Variants in OR2G6 observed in about 807,000 individuals in gnomAD.
OR2G6 encodes the protein olfactory receptor family 2 subfamily G member 6, also known as olfactory receptor 2G6.
For synonymous variants in OR2G6, 183 were observed against 155.2 expected, an observed-to-expected ratio of 1.18 and a Z score of -1.33; for missense variants, 457 against 391.3, an observed-to-expected ratio of 1.17 and a Z score of -1.42.
At position 248,523,887 on chromosome 1, in the gene OR2G6, A is replaced by C. The variant is rs1035161374; in HGVS notation, c.*1290A>C. On this transcript the variant is annotated 3_prime_UTR_variant, in exon 2 of 2. Coordinates refer to ENST00000641804, the MANE Select transcript of OR2G6 (RefSeq NM_001013355.2). ...AGCATGAAAACATCAATGCAAATGAAGAGTAAAATGCAGGCAGAATCTGGG... is the reference window on the plus strand; with the variant it reads ...AGCATGAAAACATCAATGCAAATGACGAGTAAAATGCAGGCAGAATCTGGG... The C allele has an allele frequency of 6.6e-6, 1 of 152,226 alleles. No homozygotes were observed. Among genetic ancestry groups the C allele is most frequent in the Non-Finnish European group, 1.5e-5 (1 of 68,040 alleles). 9.4% of individuals were successfully genotyped at this position (152,226 alleles called of 1,614,324 possible).
In OR2G6 at chr1:248,522,841, A is replaced by G. The variant is rs543303363; in HGVS notation, c.*244A>G. ...AAGAAGAGAAACACACCAAAGCAGCATGAGGGTTCATCCTCCCAGACATTC... is the reference window on the plus strand; with the variant it reads ...AAGAAGAGAAACACACCAAAGCAGCGTGAGGGTTCATCCTCCCAGACATTC... On this transcript the variant is annotated 3_prime_UTR_variant, in exon 2 of 2. Transcript: ENST00000641804. The G allele has an allele frequency of 2.2e-6, 1 of 462,380 alleles. No individual in the cohort carries two copies. The highest frequency in any genetic ancestry group is 3.9e-5 in the South Asian group (1 of 25,484). 28.6% of individuals were successfully genotyped at this position (462,380 alleles called of 1,614,324 possible). A position where few individuals can be genotyped will look rare whatever the true frequency, so the allele number is the denominator to read the frequency against.
At chr1:248,520,797 T>C (rs1664265631) in intron 1 of OR2G6, among the ~76,000 whole-genome samples, 1 of 151,256 alleles carries the variant, frequency 6.6e-6, no homozygotes, top group Non-Finnish European at 1.5e-5. Flanking sequence ...TCACCTGAGG[T>C]CAGGAGTTCC....
In OR2G6 at chr1:248,522,423, C is replaced by T. The variant is rs1337845077; in HGVS notation, c.777C>T (p.Tyr259=). 1.9e-6 allele frequency: 3 copies of T among 1,614,034 alleles called. No individual in the cohort carries two copies. The highest frequency in any genetic ancestry group is 2.2e-5 in the South Asian group (2 of 91,086). ...TCTATGGGACCATCATATTCATGTA[C>T]CTTCAACCGGCCAATAGGAGATCCA... The part of the protein sequence containing the change: ...IIFYGTIIFM[Y]LQPANRRSKN... The change falls in exon 2 of 2, where the codon TAC becomes TAT. Residue 259 remains tyrosine, a synonymous_variant. Transcript: ENST00000641804.
rs976435181 is a variant in OR2G6, at chr1:248,523,306, T to C, written c.*709T>C. 3.3e-5 allele frequency: 5 copies of C among 152,186 alleles called. No individual in the cohort carries two copies. The highest frequency in any genetic ancestry group is 4.8e-5 in the African/African-American group (2 of 41,438). The allele number at this position is 152,186 out of a possible 1,614,324, so 9.4% of individuals were successfully genotyped here. ...GAAACACAAATATTAAGAGTTGTGA[T>C]GCTTTGGTTCCACAGAATTGTGGGA... On this transcript the variant is annotated 3_prime_UTR_variant, in exon 2 of 2. Transcript: ENST00000641804.
In OR2G6 at chr1:248,525,621, C is replaced by T. The variant is rs1664380503; in HGVS notation, c.*3024C>T. 1 of 151,990 alleles carries T rather than the reference C, an allele frequency of 6.6e-6. No individual in the cohort carries two copies. The allele number at this position is 151,990 out of a possible 1,614,324, so 9.4% of individuals were successfully genotyped here. A position where few individuals can be genotyped will look rare whatever the true frequency, so the allele number is the denominator to read the frequency against. ...AAGTACCAGCTACTACAAAAAAACA[C>T]CAAAATATAAAGACCAATGATACTG... On this transcript the variant is annotated 3_prime_UTR_variant, in exon 2 of 2. Transcript: ENST00000641804.
Position 248,525,552 on chromosome 1 carries a change from G to T in OR2G6, c.*2955G>T, listed in dbSNP as rs925812445. ...ACAGCTCAGAGAAGAAAAATGGGAG[G>T]CACTTACTATTTAAACCCTAACCCA... On this transcript the variant is annotated 3_prime_UTR_variant, in exon 2 of 2. Coordinates refer to ENST00000641804, the MANE Select transcript of OR2G6 (RefSeq NM_001013355.2). 1 of 151,680 alleles carries T rather than the reference G, an allele frequency of 6.6e-6. No individual in the cohort carries two copies. The highest frequency in any genetic ancestry group is 1.5e-5 in the Non-Finnish European group (1 of 67,950). The allele number at this position is 151,680 out of a possible 1,614,324, so 9.4% of individuals were successfully genotyped here. A position where few individuals can be genotyped will look rare whatever the true frequency, so the allele number is the denominator to read the frequency against.
chr1:248,522,243 C>A lies in OR2G6; in HGVS notation c.597C>A (p.Leu199=). 1.2e-6 allele frequency: 2 copies of A among 1,614,162 alleles called. No homozygotes were observed. Among genetic ancestry groups the A allele is most frequent in the South Asian group, 1.1e-5 (1 of 91,084 alleles). ...CVDTTFNEAE[L]FVASVVFLIV... ...ATACGACTTTCAACGAGGCAGAACT[C>A]TTTGTGGCCAGTGTAGTCTTTCTAA... Residue 199 remains leucine, a synonymous_variant, in exon 2 of 2, where the codon CTC becomes CTA. Transcript: ENST00000641804.
chr1:248,508,844 T>C (rs1288900380), intron 1 of OR2G6, among the ~76,000 whole-genome samples: 1 of 104,292 alleles, frequency 9.6e-6, no homozygotes, highest in Non-Finnish European at 1.8e-5. Flanking sequence ...ATTATAAATG[T>C]TTTTTAAAAA....
At position 248,524,105 on chromosome 1, in the gene OR2G6, G is replaced by A. The variant is rs903465622; in HGVS notation, c.*1508G>A. On this transcript the variant is annotated 3_prime_UTR_variant, in exon 2 of 2. Transcript: ENST00000641804. ...TTCATCCTGGTGTGAGAATATTGTA[G>A]CCTGTCTACGAATGTTAAGGATAAC... 1.3e-5 allele frequency: 2 copies of A among 152,010 alleles called. No individual in the cohort carries two copies. The highest frequency in any genetic ancestry group is 2.1e-4 in the South Asian group (1 of 4,814). 9.4% of individuals were successfully genotyped at this position (152,010 alleles called of 1,614,324 possible).
rs1398700137 is a variant in OR2G6 at position 248,526,668 on chromosome 1, G to A, written c.*4071G>A. On this transcript the variant is annotated 3_prime_UTR_variant, in exon 2 of 2. Coordinates refer to ENST00000641804, the MANE Select transcript of OR2G6 (RefSeq NM_001013355.2). ...TGTTCACCATAACCTGATCTCAGTA[G>A]TAACTATTTAATGATTGCCATTCTA... is the stretch of plus-strand genomic sequence containing the variant. The A allele has an allele frequency of 6.6e-6, 1 of 151,932 alleles. No homozygotes were observed. The highest frequency in any genetic ancestry group is 6.6e-5 in the Admixed American group (1 of 15,228). 9.4% of individuals were successfully genotyped at this position (151,932 alleles called of 1,614,324 possible).
rs768198575 is a variant in OR2G6 at position 248,522,464 on chromosome 1, TTG to T, written c.820_821del (p.Val274PhefsTer34). 6.5e-5 allele frequency: 105 copies of T among 1,613,722 alleles called. 1 individual carries two copies. The East Asian group carries it at 1.7e-3, about 27-fold the overall frequency. On this transcript the variant is annotated frameshift_variant, in exon 2 of 2. Transcript: ENST00000641804. LOFTEE classifies it low-confidence loss of function (END_TRUNC). ...AGGAGATCCAAAAACCAGGGAAAGT[TTG>T]TTTCTCTTTTCTATACCATAGTCAC... is the stretch of plus-strand genomic sequence containing the variant.
Position 248,521,225 on chromosome 1 carries a change from AAT to A in OR2G6, c.-36-377_-36-376del, listed in dbSNP as rs144719989. On this transcript the variant is annotated intron_variant, in intron 1 of 1. Coordinates refer to ENST00000641804, the MANE Select transcript of OR2G6 (RefSeq NM_001013355.2). ...GCGACAGAACGACTCCATCTCAAAAAATATATATATTTGTATACATATAACAA... is the reference window on the plus strand; with the variant it reads ...GCGACAGAACGACTCCATCTCAAAAAATATATATTTGTATACATATAACAA... Among the ~76,000 whole-genome samples the A allele has an allele frequency of 9.2e-3, 1,405 of 152,016 alleles. 23 individuals carry two copies. Among genetic ancestry groups the A allele is most frequent in the African/African-American group, 0.032 (1,320 of 41,470 alleles).
Position 248,521,904 on chromosome 1 carries a change from TAAGA to T in OR2G6, c.263_266del (p.Lys88ThrfsTer4), listed in dbSNP as rs752058829. On this transcript the variant is annotated frameshift_variant, in exon 2 of 2. Coordinates refer to ENST00000641804, the MANE Select transcript of OR2G6 (RefSeq NM_001013355.2). LOFTEE classifies it low-confidence loss of function (END_TRUNC). ...CCCCACAGTTGCTGGTTACCATGAA[TAAGA>T]AAGACAAAACCATGAGCTACGGTGG... is the stretch of plus-strand genomic sequence containing the variant. The T allele has an allele frequency of 1.8e-5, 29 of 1,613,998 alleles. No homozygotes were observed. Among genetic ancestry groups the T allele is most frequent in the African/African-American group, 4.0e-5 (3 of 74,902 alleles).
Position 248,522,585 on chromosome 1 carries a change from C to T in OR2G6, c.939C>T (p.Ser313=). 6.2e-7 allele frequency: 1 copy of T among 1,604,518 alleles called. No individual in the cohort carries two copies. ...TLILGSAAGQ[S]HKD ...TACTGGGTAGTGCTGCTGGACAAAG[C>T]CACAAGGACTAGGAAACACCTGGAA... is the stretch of plus-strand genomic sequence containing the variant. The change falls in exon 2 of 2, where the codon AGC becomes AGT. Residue 313 remains serine, a synonymous_variant. Coordinates refer to ENST00000641804, the MANE Select transcript of OR2G6 (RefSeq NM_001013355.2).
Position 248,522,417 on chromosome 1 carries a change from C to G in OR2G6, c.771C>G (p.Phe257Leu). 5.0e-6 allele frequency: 8 copies of G among 1,614,190 alleles called. No homozygotes were observed. Among genetic ancestry groups the G allele is most frequent in the Non-Finnish European group, 6.8e-6 (8 of 1,180,034 alleles). ...VVIIFYGTII[F>L]MYLQPANRRS... is the part of the protein sequence containing the mutation. ...TCATTTTCTATGGGACCATCATATTCATGTACCTTCAACCGGCCAATAGGA... is the reference window on the plus strand; with the variant it reads ...TCATTTTCTATGGGACCATCATATTGATGTACCTTCAACCGGCCAATAGGA... The change falls in exon 2 of 2, where the codon TTC becomes TTG. Residue 257 changes from phenylalanine to leucine, a missense_variant. By Grantham distance (22) the Phe-to-Leu change is conservative. Coordinates refer to ENST00000641804, the MANE Select transcript of OR2G6 (RefSeq NM_001013355.2).
In OR2G6 at chr1:248,522,388, GTCA is replaced by G. The variant is rs766729143; in HGVS notation, c.747_749del (p.Ile250del). 1.4e-5 allele frequency: 22 copies of G among 1,614,014 alleles called. No individual in the cohort carries two copies. The African/African-American group carries it at 1.7e-4, about 13-fold the overall frequency. ...GACCTGTTCGTCTCACCTGGTTGTGGTCATCATTTTCTATGGGACCATCATATT... is the reference window on the plus strand; with the variant it reads ...GACCTGTTCGTCTCACCTGGTTGTGGTCATTTTCTATGGGACCATCATATT... On this transcript the variant is annotated inframe_deletion, in exon 2 of 2. Coordinates refer to ENST00000641804, the MANE Select transcript of OR2G6 (RefSeq NM_001013355.2).
Position 248,526,324 on chromosome 1 carries a change from ATT to A in OR2G6, c.*3731_*3732del, listed in dbSNP as rs1375820123. ...AGATTCATGTATTTACAGCCAACTG[ATT>A]TTTGACAAAGGTGCCAAGAACATAC... is the stretch of plus-strand genomic sequence containing the variant. On this transcript the variant is annotated 3_prime_UTR_variant, in exon 2 of 2. Transcript: ENST00000641804. The A allele has an allele frequency of 6.6e-6, 1 of 152,214 alleles. No homozygotes were observed. Among genetic ancestry groups the A allele is most frequent in the African/African-American group, 2.4e-5 (1 of 41,458 alleles). 9.4% of individuals were successfully genotyped at this position (152,214 alleles called of 1,614,324 possible).
In OR2G6 at chr1:248,524,427, C is replaced by T. The variant is rs1553328932; in HGVS notation, c.*1830C>T. On this transcript the variant is annotated 3_prime_UTR_variant, in exon 2 of 2. Transcript: ENST00000641804. Reference sequence around the variant, plus strand: ...ACTGAGCAGAACATGCTGAGGAGCACATGTTTTTATTTACAATATGCAAGT... The same window carrying T: ...ACTGAGCAGAACATGCTGAGGAGCATATGTTTTTATTTACAATATGCAAGT... 1 of 152,136 alleles carries T rather than the reference C, an allele frequency of 6.6e-6. No individual in the cohort carries two copies. Among genetic ancestry groups the T allele is most frequent in the Non-Finnish European group, 1.5e-5 (1 of 68,022 alleles). 9.4% of individuals were successfully genotyped at this position (152,136 alleles called of 1,614,324 possible).
chr1:248,523,101 C>CGACCACCG lies in OR2G6; in HGVS notation c.*504_*505insGACCACCG. The CGACCACCG allele has an allele frequency of 7.7e-5, 12 of 155,216 alleles. No homozygotes were observed. The highest frequency in any genetic ancestry group is 2.0e-4 in the South Asian group (1 of 4,988). 9.6% of individuals were successfully genotyped at this position (155,216 alleles called of 1,614,324 possible). On this transcript the variant is annotated 3_prime_UTR_variant, in exon 2 of 2. Transcript: ENST00000641804. The stretch of plus-strand genomic sequence containing the variant: ...ACTGTTTCATAATATGTTTCCATAG[C>CGACCACCG]ACTTGATCCACACTACCATTTCTAC...
Sources: allele counts gnomAD v4.1 joint callset (sites outside exome capture counted in the v4.1 genomes callset), GRCh38; gene constraint gnomAD v4.1.1; transcripts MANE v1.5; gene names NCBI Gene and HGNC (gene_info 2026-07-23, HGNC 2026-07-21).